Variants in MAGEA10 observed in about 807,000 individuals in gnomAD.
The protein encoded by MAGEA10 is MAGE family member A10, also known as melanoma-associated antigen 10.
MAGEA10 carries 7 observed loss-of-function variants against 8.6 expected under a neutral mutation model. The observed-to-expected ratio is 0.82, with a 90% confidence interval of 0.46 to 1.53. The LOEUF (loss-of-function observed/expected upper bound fraction) is 1.53, where lower values mean the gene tolerates loss of function less well. Among genes scored for constraint, MAGEA10 ranks in the 40% most tolerant of loss-of-function variants. MAGEA10 has a pLI of 0.01. For missense variants in MAGEA10, 293 were observed against 274.0 expected (o/e 1.07, Z -0.49); for synonymous variants, 125 against 107.4 (o/e 1.16, Z -1.02).
At chrX:152,137,024 T>C (rs1936689673) in intron 1 of MAGEA10, 55 bp from the exon 2 acceptor site, 1 of 109,865 alleles carries the variant, frequency 9.1e-6, no homozygotes, top group Admixed American at 9.6e-5. Context: ...CCCTGTGGGG[T>C]GTCCAGGGCT....
rs138141548 is a variant in MAGEA10 at position 152,134,541 on chromosome X, G to C, written c.1080C>G (p.Ser360Arg). The C allele has an allele frequency of 1.7e-6, 2 of 1,205,478 alleles. No individual in the cohort carries two copies. Among genetic ancestry groups the C allele is most frequent in the Non-Finnish European group, 2.2e-6 (2 of 892,833 alleles). Residue 360 changes from serine (S) to arginine (R), a missense_variant, in exon 4 of 4, where the codon AGC (serine) becomes AGG (arginine). Coordinates refer to ENST00000370323, the MANE Select transcript of MAGEA10 (RefSeq NM_021048.5). ...CAGGGTAGGAGAAGCTACCTGTAGC[G>C]CTAGAACTTGCACTGGCCATGGCAG... ...DTTAMASASS[S>R]ATGSFSYPE
chrX:152,135,731 C>G lies in MAGEA10; in HGVS notation c.-66+30G>C, dbSNP rs1936661055. On this transcript the variant is annotated intron_variant, in intron 3 of 3. Coordinates refer to ENST00000370323, the MANE Select transcript of MAGEA10 (RefSeq NM_021048.5). ...TAAGTGGCCACAGCTGAGAACCACACCCTGGAGGTTCTAACAAAGGCCAAC... is the reference window on the plus strand; with the variant it reads ...TAAGTGGCCACAGCTGAGAACCACAGCCTGGAGGTTCTAACAAAGGCCAAC... 9 of 682,130 alleles carry G rather than the reference C, an allele frequency of 1.3e-5. No individual in the cohort carries two copies. In the South Asian group the frequency reaches 3.4e-4, roughly 26 times the overall value. 56.2% of individuals were successfully genotyped at this position (682,130 alleles called of 1,213,427 possible). A position where few individuals can be genotyped will look rare whatever the true frequency, so the allele number is the denominator to read the frequency against.
rs1936616504 is a variant in MAGEA10, at chrX:152,134,353, G to T, written c.*158C>A. The T allele has an allele frequency of 3.8e-5, 17 of 446,364 alleles. No homozygotes were observed. The highest frequency in any genetic ancestry group is 3.8e-6 in the Non-Finnish European group (1 of 266,017). 36.8% of individuals were successfully genotyped at this position (446,364 alleles called of 1,213,427 possible). On this transcript the variant is annotated 3_prime_UTR_variant, in exon 4 of 4. Coordinates refer to ENST00000370323, the MANE Select transcript of MAGEA10 (RefSeq NM_021048.5). ...CATCCTACTGTGCAATAGAACACTA[G>T]AACTTATTCCTCCTATTTAATTGTA...
At position 152,135,546 on chromosome X, in the gene MAGEA10, G is replaced by C. The variant is rs770828622; in HGVS notation, c.75C>G (p.Leu25=). The C allele has an allele frequency of 1.2e-5, 14 of 1,158,385 alleles. No homozygotes were observed. The African/African-American group carries it at 2.2e-4, about 18-fold the overall frequency. Residue 25 remains leucine, a synonymous_variant, in exon 4 of 4, where the codon CTC becomes CTG. Coordinates refer to ENST00000370323, the MANE Select transcript of MAGEA10 (RefSeq NM_021048.5). The stretch of plus-strand genomic sequence containing the variant: ...CAGCCAGGGGAGCCTGTGCACCCTC[G>C]AGGCCCTGTGTCTCACTTTGGGATT... The part of the protein sequence containing the change: ...DLQSQSETQG[L]EGAQAPLAVE...
At chrX:152,135,737 A>T in intron 3 of MAGEA10, 24 bp downstream of exon 3, 2 of 644,245 alleles carry the variant, frequency 3.1e-6, no homozygotes, top group Non-Finnish European at 4.6e-6. Flanking sequence ...CACACCCTGG[A>T]GGTTCTAACA....
At position 152,134,310 on chromosome X, in the gene MAGEA10, C is replaced by T. The variant is rs1435871975; in HGVS notation, c.*201G>A. On this transcript the variant is annotated 3_prime_UTR_variant, in exon 4 of 4. Coordinates refer to ENST00000370323, the MANE Select transcript of MAGEA10 (RefSeq NM_021048.5). ...CTAGCTGTTTTGTAATATACAATATCTTAATGTTAACTATAGTCATCCTAC... is the reference window on the plus strand; with the variant it reads ...CTAGCTGTTTTGTAATATACAATATTTTAATGTTAACTATAGTCATCCTAC... 1.3e-5 allele frequency: 5 copies of T among 385,329 alleles called. No individual in the cohort carries two copies. Among genetic ancestry groups the T allele is most frequent in the Non-Finnish European group, 2.2e-5 (5 of 226,565 alleles). 31.8% of individuals were successfully genotyped at this position (385,329 alleles called of 1,213,427 possible).
rs1202141537 is a variant in MAGEA10, at chrX:152,135,635, G to A, written c.-15C>T. ...GCTCGAGGCATGATGACTCTGATCA[G>A]GGTAGCAGGTGGGAGTGTGGGCAGG... On this transcript the variant is annotated 5_prime_UTR_variant, in exon 4 of 4. Coordinates refer to ENST00000370323, the MANE Select transcript of MAGEA10 (RefSeq NM_021048.5). The A allele has an allele frequency of 8.0e-6, 9 of 1,118,988 alleles. No individual in the cohort carries two copies. The highest frequency in any genetic ancestry group is 8.2e-6 in the Non-Finnish European group (7 of 851,298). The allele number at this position is 1,118,988 out of a possible 1,213,427, so 92.2% of individuals were successfully genotyped here.
chrX:152,136,902 T>C lies in MAGEA10; in HGVS notation c.-171A>G, dbSNP rs1394777324. ...TCTTGTCAGATCCTGCGACCCACTG[T>C]GTCTGTAGAAAAGAGGGGTTCCCTG... On this transcript the variant is annotated 5_prime_UTR_variant, in exon 2 of 4. Transcript: ENST00000370323. 9.0e-6 allele frequency: 1 copy of C among 111,547 alleles called. No homozygotes were observed. The highest frequency in any genetic ancestry group is 3.3e-5 in the African/African-American group (1 of 30,582). 9.2% of individuals were successfully genotyped at this position (111,547 alleles called of 1,213,427 possible).
intron 2 of MAGEA10, among the ~76,000 whole-genome samples, 159 bp downstream of exon 2, chrX:152,136,712 C>T (rs2124300971): frequency 9.0e-6 from 1 of 111,491 alleles, no homozygotes; most frequent in East Asian, 2.9e-4. Context: ...AACACCTCTC[C>T]CTCCCAGAGA....
At position 152,134,418 on chromosome X, in the gene MAGEA10, C is replaced by CTTT. The variant is rs34509899; in HGVS notation, c.*90_*92dup. 256 of 606,156 alleles carry CTTT rather than the reference C, an allele frequency of 4.2e-4. No individual in the cohort carries two copies. Among genetic ancestry groups the CTTT allele is most frequent in the South Asian group, 6.9e-4 (18 of 26,114 alleles). 50.0% of individuals were successfully genotyped at this position (606,156 alleles called of 1,213,427 possible). ...CTACTCTCTACTTCCATGATACCAA[C>CTTT]TTTTTTTTTTTTTTTTTTTAGATTC... On this transcript the variant is annotated 3_prime_UTR_variant, in exon 4 of 4. Coordinates refer to ENST00000370323, the MANE Select transcript of MAGEA10 (RefSeq NM_021048.5).
rs1417586026 is a variant in MAGEA10 at position 152,135,275 on chromosome X, TCTC to T, written c.343_345del (p.Glu115del). ...GGCAGGACCTGTAGGGTGCTTGGAC[TCTC>T]CTCCTTTTGGCTGCTGGAGCCCTCA... On this transcript the variant is annotated inframe_deletion, in exon 4 of 4. Transcript: ENST00000370323. The T allele has an allele frequency of 1.2e-5, 14 of 1,209,004 alleles. No individual in the cohort carries two copies. In the Admixed American group the frequency reaches 2.8e-4, roughly 25 times the overall value.
chrX:152,138,062 G>A (rs932356184), intron 1 of MAGEA10, among the ~76,000 whole-genome samples: 44 of 110,191 alleles, frequency 4.0e-4, no homozygotes, highest in African/African-American at 1.4e-3. Flanking sequence ...AGCAGGGCCC[G>A]GGCCTTCCCT....
At position 152,134,394 on chromosome X, in the gene MAGEA10, T is replaced by C; in HGVS notation, c.*117A>G. The C allele has an allele frequency of 1.7e-6, 1 of 597,956 alleles. No individual in the cohort carries two copies. The allele number at this position is 597,956 out of a possible 1,213,427, so 49.3% of individuals were successfully genotyped here. On this transcript the variant is annotated 3_prime_UTR_variant, in exon 4 of 4. Coordinates refer to ENST00000370323, the MANE Select transcript of MAGEA10 (RefSeq NM_021048.5). ...TTTAATTGTAATGTAACTACTGCTC[T>C]ACTCTCTACTTCCATGATACCAACT... is the stretch of plus-strand genomic sequence containing the variant.
At chrX:152,138,226 A>T (rs1936722037) in intron 1 of MAGEA10, among the ~76,000 whole-genome samples, 1 of 108,660 alleles carries the variant, frequency 9.2e-6, no homozygotes, top group Non-Finnish European at 1.9e-5. Context: ...CCCGACATTG[A>T]TGCTGGCAGA....
chrX:152,134,184 T>C lies in MAGEA10; in HGVS notation c.*327A>G, dbSNP rs909696675. The C allele has an allele frequency of 2.5e-5, 5 of 199,871 alleles. No individual in the cohort carries two copies. Among genetic ancestry groups the C allele is most frequent in the Non-Finnish European group, 4.5e-5 (5 of 110,387 alleles). 16.5% of individuals were successfully genotyped at this position (199,871 alleles called of 1,213,427 possible). A position where few individuals can be genotyped will look rare whatever the true frequency, so the allele number is the denominator to read the frequency against. ...ATTTATGAGGTACAATTTGATGTTC[T>C]GATTCATGTATATGTAGTATAATGA... On this transcript the variant is annotated 3_prime_UTR_variant, in exon 4 of 4. Transcript: ENST00000370323.
intron 1 of MAGEA10, 134 bp downstream of exon 1, chrX:152,138,341 T>TGGGGGGGGGGGGG (rs11365460): frequency 3.8e-4 from 10 of 26,410 alleles, no homozygotes; most frequent in Non-Finnish European, 5.4e-4. Flanking sequence ...GGGGCGGGGG[T>TGGGGGGGGGGGGG]GGGGGGGGGG....
rs1936614853 is a variant in MAGEA10, at chrX:152,134,251, TTC to T, written c.*258_*259del. 9.3e-6 allele frequency: 3 copies of T among 322,132 alleles called. No individual in the cohort carries two copies. Among genetic ancestry groups the T allele is most frequent in the Non-Finnish European group, 1.1e-5 (2 of 186,016 alleles). 26.5% of individuals were successfully genotyped at this position (322,132 alleles called of 1,213,427 possible). On this transcript the variant is annotated 3_prime_UTR_variant, in exon 4 of 4. Transcript: ENST00000370323. ...ATCCATCACCTCATGCATTTATCAT[TTC>T]TTTTTGGTGACAATATTGAAAAGCC...
At chrX:152,138,013 A>T (rs1936717831) in intron 1 of MAGEA10, among the ~76,000 whole-genome samples, 1 of 109,413 alleles carries the variant, frequency 9.1e-6, no homozygotes, top group African/African-American at 3.4e-5. Flanking sequence ...TGGGGTGGGC[A>T]CCCTGTCCTG....
chrX:152,134,557 G>C lies in MAGEA10; in HGVS notation c.1064C>G (p.Ala355Gly). The change falls in exon 4 of 4, where the codon GCC becomes GGC. Residue 355 changes from alanine to glycine, a missense_variant. Ala to Gly is a moderately conservative substitution (Grantham distance 60). Coordinates refer to ENST00000370323, the MANE Select transcript of MAGEA10 (RefSeq NM_021048.5). The part of the protein sequence containing the change: ...IATTDDTTAM[A>G]SASSSATGSF... ...ACCTGTAGCGCTAGAACTTGCACTG[G>C]CCATGGCAGTAGTATCATCTGTGGT... The C allele has an allele frequency of 8.3e-7, 1 of 1,207,898 alleles. No individual in the cohort carries two copies. Among genetic ancestry groups the C allele is most frequent in the South Asian group, 1.8e-5 (1 of 56,877 alleles).
Sources: allele counts gnomAD v4.1 joint callset (sites outside exome capture counted in the v4.1 genomes callset), GRCh38; gene constraint gnomAD v4.1.1; transcripts MANE v1.5; gene names NCBI Gene and HGNC (gene_info 2026-07-23, HGNC 2026-07-21).